LUZP2: variants seen among roughly 807,000 people sequenced by gnomAD.
LUZP2 encodes the protein leucine zipper protein 2.
Under a neutral mutation model 51.6 loss-of-function variants are expected in LUZP2, and 52 were observed. The observed-to-expected ratio is 1.01, with a 90% CI of 0.81 to 1.27. The LOEUF (loss-of-function observed/expected upper bound fraction) is 1.27. Ranked by LOEUF, LUZP2 falls within the 50% of genes most tolerant of loss-of-function variation. The probability of loss-of-function intolerance (pLI) is 0.00; values close to 1 mark genes in which losing one functional copy is unlikely to be tolerated. For missense variants in LUZP2, 436 were observed against 395.4 expected, an observed-to-expected ratio of 1.10 and a Z score of -0.87; for synonymous variants, 154 against 137.3, an observed-to-expected ratio of 1.12 and a Z score of -0.85.
chr11:24,614,390 G>A (rs1854221024), intron 1 of LUZP2, among the ~76,000 whole-genome samples: 1 of 151,840 alleles, frequency 6.6e-6, no homozygotes, highest in South Asian at 2.1e-4. Context: ...TCACTCTTGA[G>A]CCACGTATAA....
rs11342837 is a variant in LUZP2 at position 24,521,350 on chromosome 11, C to CAAAA, written c.62+24060_62+24063dup. 4.1e-4 allele frequency among the ~76,000 whole-genome samples: 36 copies of CAAAA among 87,164 alleles called. 2 individuals carry two copies. The highest frequency in any genetic ancestry group is 1.2e-3 in the African/African-American group (25 of 21,366). 57.2% of individuals were successfully genotyped at this position (87,164 alleles called of 152,430 possible). ...TGTGTGACAGAGCGAGACTCCATCT[C>CAAAA]AAAAAAAAAAAAAAAAAAGGTGGGG... On this transcript the variant is annotated intron_variant, in intron 1 of 11. Transcript: ENST00000336930.
chr11:24,574,202 T>C lies in LUZP2; in HGVS notation c.62+76897T>C, dbSNP rs1433732891. ...CTTTCTTTTCTTTCTTTCTTTCTCT[T>C]TCTTCCTTCCTTTCTTTCTTTCTTT... On this transcript the variant is annotated intron_variant, in intron 1 of 11. Coordinates refer to ENST00000336930, the MANE Select transcript of LUZP2 (RefSeq NM_001009909.4). Among the ~76,000 whole-genome samples the C allele has an allele frequency of 3.4e-3, 12 of 3,526 alleles. 1 individual carries two copies. The highest frequency in any genetic ancestry group is 0.022 in the Admixed American group (5 of 228). 2.3% of individuals were successfully genotyped at this position (3,526 alleles called of 152,430 possible).
chr11:24,944,689 G>T (rs1354836985), intron 7 of LUZP2, among the ~76,000 whole-genome samples: 1 of 152,072 alleles, frequency 6.6e-6, no homozygotes, highest in Admixed American at 6.6e-5. Flanking sequence ...AAGGTTCTTC[G>T]GGAGCAGATG....
chr11:24,570,379 A>G (rs1852393777), intron 1 of LUZP2, among the ~76,000 whole-genome samples: 1 of 152,064 alleles, frequency 6.6e-6, no homozygotes, highest in Non-Finnish European at 1.5e-5. Flanking sequence ...AGGCAATTGA[A>G]CATGTAGTGT....
At chr11:24,755,096 G>A (rs917928698) in intron 4 of LUZP2, among the ~76,000 whole-genome samples, 2 of 151,644 alleles carry the variant, frequency 1.3e-5, no homozygotes, top group Non-Finnish European at 2.9e-5. Context: ...AGTGAGCCAA[G>A]ATCATGCCAT....
intron 9 of LUZP2, among the ~76,000 whole-genome samples, chr11:25,043,251 A>G (rs1044064423): frequency 1.3e-5 from 2 of 152,174 alleles, no homozygotes; most frequent in African/African-American, 4.8e-5. Context: ...TAGCCTTAAT[A>G]TCATCAAATC....
At chr11:24,792,594 A>G (rs976767301) in intron 5 of LUZP2, among the ~76,000 whole-genome samples, 6 of 152,136 alleles carry the variant, frequency 3.9e-5, no homozygotes, top group African/African-American at 1.4e-4. Flanking sequence ...CTACAGGAAA[A>G]TGTAATGAAG....
At chr11:24,982,073 C>A (rs1226419508) in intron 8 of LUZP2, among the ~76,000 whole-genome samples, 3 of 151,872 alleles carry the variant, frequency 2.0e-5, no homozygotes, top group Non-Finnish European at 4.4e-5. Flanking sequence ...CTATCTCACA[C>A]CAGTCAGAAT....
intron 7 of LUZP2, among the ~76,000 whole-genome samples, chr11:24,961,151 A>G (rs1855386999): frequency 1.3e-5 from 2 of 152,164 alleles, no homozygotes; most frequent in South Asian, 4.2e-4. Flanking sequence ...TTTGCTGAGG[A>G]GAGCTTTACT....
rs1855674001 is a variant in LUZP2 at position 24,652,913 on chromosome 11, T to TA, written c.63-76256_63-76255insA. On this transcript the variant is annotated intron_variant, in intron 1 of 11. Transcript: ENST00000336930. Reference sequence around the variant, plus strand: ...AGTTGGTGGGAAAAGAGCAAAAATATCAAAATTTAAGTAACCTTTATTGGA... The same window carrying TA: ...AGTTGGTGGGAAAAGAGCAAAAATATACAAAATTTAAGTAACCTTTATTGGA... Among the ~76,000 whole-genome samples the TA allele has an allele frequency of 3.4e-4, 4 of 11,788 alleles. No individual in the cohort carries two copies. In the Non-Finnish European group the frequency reaches 7.2e-3, roughly 21 times the overall value. The allele number at this position is 11,788 out of a possible 152,430, so 7.7% of individuals were successfully genotyped here. A position where few individuals can be genotyped will look rare whatever the true frequency, so the allele number is the denominator to read the frequency against.
At chr11:24,854,122 C>T (rs1390245594) in intron 5 of LUZP2, among the ~76,000 whole-genome samples, 2 of 152,244 alleles carry the variant, frequency 1.3e-5, no homozygotes, top group Admixed American at 1.3e-4. Context: ...AGGAGGCAGT[C>T]TGTCCCTTAG....
chr11:24,984,496 CTG>C (rs1372590308), intron 9 of LUZP2, among the ~76,000 whole-genome samples: 2 of 106,918 alleles, frequency 1.9e-5, no homozygotes, highest in Non-Finnish European at 3.9e-5. Context: ...ATATTATTGT[CTG>C]TGTTTTTATA....
At chr11:24,856,359 A>C (rs1851565162) in intron 5 of LUZP2, among the ~76,000 whole-genome samples, 1 of 152,162 alleles carries the variant, frequency 6.6e-6, no homozygotes, top group African/African-American at 2.4e-5. Context: ...AACATCAAGA[A>C]ATGTGAATTA....
intron 1 of LUZP2, among the ~76,000 whole-genome samples, chr11:24,651,004 T>G (rs758651497): frequency 2.0e-5 from 3 of 152,044 alleles, no homozygotes; most frequent in Non-Finnish European, 4.4e-5. Context: ...TTCCCCTGCT[T>G]CTTCTTGTCA....
chr11:25,077,254 G>A (rs1859336406), intron 10 of LUZP2, 75 bp from the exon 11 acceptor site: 1 of 1,074,924 alleles, frequency 9.3e-7, no homozygotes, highest in Non-Finnish European at 1.4e-6. Flanking sequence ...AAGAATTCAA[G>A]AGAGTGTTTT....
chr11:24,732,211 A>G lies in LUZP2; in HGVS notation c.251+23A>G, dbSNP rs554957431. The G allele has an allele frequency of 2.6e-5, 41 of 1,551,674 alleles. 1 individual carries two copies. The South Asian group carries it at 4.3e-4, about 16-fold the overall frequency. ...AAGGTAAGACTTTTCTTTTTTTCTT[A>G]GTTATTTCTGCCATAGTGTCAAGCA... is the stretch of plus-strand genomic sequence containing the variant. On this transcript the variant is annotated intron_variant, in intron 3 of 11. Transcript: ENST00000336930.
At chr11:25,026,444 C>A (rs992093350) in intron 9 of LUZP2, among the ~76,000 whole-genome samples, 2 of 152,006 alleles carry the variant, frequency 1.3e-5, no homozygotes, top group African/African-American at 2.4e-5. Context: ...GAATACTATT[C>A]CTTCTAATAT....
chr11:25,053,031 CA>C (rs1260208603), intron 10 of LUZP2, among the ~76,000 whole-genome samples: 3 of 151,888 alleles, frequency 2.0e-5, no homozygotes, highest in Non-Finnish European at 4.4e-5. Context: ...TTCAGAAATC[CA>C]AAAACCACTG....
At chr11:24,692,551 C>T (rs766197001) in intron 1 of LUZP2, among the ~76,000 whole-genome samples, 2 of 151,960 alleles carry the variant, frequency 1.3e-5, no homozygotes, top group Non-Finnish European at 2.9e-5. Flanking sequence ...TAACATTACA[C>T]GTAGTACCAA....
Sources: gnomAD v4.1 joint callset for allele counts (sites outside exome capture counted in the v4.1 genomes callset) on GRCh38, gnomAD v4.1.1 for gene constraint, MANE v1.5 for transcripts, NCBI Gene and HGNC (gene_info 2026-07-23, HGNC 2026-07-21) for gene names.